Variants in VSX2 observed in about 807,000 individuals in gnomAD.
VSX2 encodes ceh-10 homeo domain containing homolog.
VSX2 carries 28 observed loss-of-function variants against 32.1 expected under a neutral mutation model. That is an observed-to-expected ratio of 0.87 (90% CI 0.65 to 1.20). The LOEUF is 1.20. Among genes scored for constraint, VSX2 ranks in the 50% most tolerant of loss-of-function variants. The pLI is 0.00. For missense variants in VSX2, 506 were observed against 488.7 expected (o/e 1.04, Z -0.33); for synonymous variants, 243 against 214.1 (o/e 1.14, Z -1.18).
At chr14:74,251,024 A>C (rs1433317591) in intron 3 of VSX2, among the ~76,000 whole-genome samples, 1 of 151,996 alleles carries the variant, frequency 6.6e-6, no homozygotes, top group Admixed American at 6.6e-5. Context: ...TTTAAAATCA[A>C]ACATCTTCGG....
intron 3 of VSX2, among the ~76,000 whole-genome samples, chr14:74,248,455 G>C (rs1461428564): frequency 1.3e-5 from 2 of 152,000 alleles, no homozygotes; most frequent in African/African-American, 2.4e-5. Context: ...GGGAGGCTGA[G>C]GTGGAAGAAT....
chr14:74,259,462 A>G (rs897926351), intron 3 of VSX2, 140 bp from the exon 4 acceptor site: 41 of 893,674 alleles, frequency 4.6e-5, no homozygotes, highest in Non-Finnish European at 6.9e-5. Flanking sequence ...CTGGAGGAAC[A>G]CAGAGGGCAC....
chr14:74,252,454 G>T (rs1249050575), intron 3 of VSX2, among the ~76,000 whole-genome samples: 1 of 150,456 alleles, frequency 6.6e-6, no homozygotes, highest in African/African-American at 2.5e-5. Flanking sequence ...GCAGGGGCAC[G>T]ATCTCGGCTC....
At chr14:74,243,891 G>T (rs1055837958) in intron 2 of VSX2, among the ~76,000 whole-genome samples, 2 of 151,970 alleles carry the variant, frequency 1.3e-5, no homozygotes, top group African/African-American at 4.8e-5. Context: ...AGCAATAAGG[G>T]ATTCTACACC....
At chr14:74,254,689 G>T (rs544064032) in intron 3 of VSX2, among the ~76,000 whole-genome samples, 1 of 151,894 alleles carries the variant, frequency 6.6e-6, no homozygotes, top group African/African-American at 2.4e-5. Flanking sequence ...TGTCTCTACC[G>T]AAAACTAACA....
At chr14:74,248,345 A>AAAAC (rs1555388000) in intron 3 of VSX2, among the ~76,000 whole-genome samples, 3 of 139,388 alleles carry the variant, frequency 2.2e-5, no homozygotes. Flanking sequence ...AAAAAAAAAA[A>AAAAC]AAAAAACAAA....
At chr14:74,259,156 G>A (rs1170219401) in intron 3 of VSX2, among the ~76,000 whole-genome samples, 1 of 152,216 alleles carries the variant, frequency 6.6e-6, no homozygotes, top group Non-Finnish European at 1.5e-5. Context: ...CTGGATGGTT[G>A]TGACTCTGGG....
intron 3 of VSX2, among the ~76,000 whole-genome samples, chr14:74,254,920 C>T (rs2079253666): frequency 6.6e-6 from 1 of 151,804 alleles, no homozygotes; most frequent in African/African-American, 2.4e-5. Flanking sequence ...GCTGGGACTA[C>T]AGGCGCCCCC....
chr14:74,262,329 G>C lies in VSX2; in HGVS notation c.*1410G>C, dbSNP rs2079313845. 6.6e-6 allele frequency: 1 copy of C among 152,220 alleles called. No homozygotes were observed. Among genetic ancestry groups the C allele is most frequent in the Non-Finnish European group, 1.5e-5 (1 of 68,078 alleles). 9.4% of individuals were successfully genotyped at this position (152,220 alleles called of 1,614,324 possible). Reference sequence around the variant, plus strand: ...CCTTTTCCATTCGCATGAACAATGGGAGCACATAGCCCTGTTGACCTGCCC... The same window carrying C: ...CCTTTTCCATTCGCATGAACAATGGCAGCACATAGCCCTGTTGACCTGCCC... On this transcript the variant is annotated 3_prime_UTR_variant, in exon 5 of 5. Coordinates refer to ENST00000261980, the MANE Select transcript of VSX2 (RefSeq NM_182894.3).
At chr14:74,248,550 G>A (rs1302891202) in intron 3 of VSX2, among the ~76,000 whole-genome samples, 1 of 151,874 alleles carries the variant, frequency 6.6e-6, no homozygotes, top group African/African-American at 2.4e-5. Flanking sequence ...AATTAGCCGA[G>A]CATGGTGATG....
intron 3 of VSX2, among the ~76,000 whole-genome samples, chr14:74,255,325 G>A (rs564118067): frequency 6.6e-6 from 1 of 152,178 alleles, no homozygotes; most frequent in Non-Finnish European, 1.5e-5. Flanking sequence ...TCCCTCCAAG[G>A]CACCATTGCC....
At chr14:74,251,301 T>A (rs1271109247) in intron 3 of VSX2, among the ~76,000 whole-genome samples, 1 of 152,028 alleles carries the variant, frequency 6.6e-6, no homozygotes, top group Admixed American at 6.6e-5. Context: ...AATACAAAAA[T>A]TAGCCGGGCA....
At position 74,259,663 on chromosome 14, in the gene VSX2, G is replaced by C. The variant is rs1239326808; in HGVS notation, c.641G>C (p.Ser214Thr). 2 of 1,614,100 alleles carry C rather than the reference G, an allele frequency of 1.2e-6. No homozygotes were observed. Among genetic ancestry groups the C allele is most frequent in the African/African-American group, 1.3e-5 (1 of 74,938 alleles). ...RKREKCWGRSSVMAEYGLYGA... is the reference protein window; with the variant it reads ...RKREKCWGRSTVMAEYGLYGA... ...CGGGAGAAGTGCTGGGGCCGGAGCA[G>C]TGTCATGGCGGAGTATGGGCTCTAC... is the stretch of plus-strand genomic sequence containing the variant. Residue 214 changes from serine to threonine, a missense_variant, in exon 4 of 5, where the codon AGT becomes ACT. Physicochemically the swap from Ser to Thr is moderately conservative, Grantham distance 58. Coordinates refer to ENST00000261980, the MANE Select transcript of VSX2 (RefSeq NM_182894.3).
intron 2 of VSX2, 99 bp downstream of exon 2, chr14:74,241,365 G>A (rs969352468): frequency 3.0e-6 from 4 of 1,326,192 alleles, no homozygotes; most frequent in Non-Finnish European, 4.3e-6. Context: ...CGCCGACAAC[G>A]GATCTGAGGT....
At chr14:74,246,294 A>G (rs1303985215) in intron 3 of VSX2, among the ~76,000 whole-genome samples, 2 of 152,134 alleles carry the variant, frequency 1.3e-5, no homozygotes, top group East Asian at 1.9e-4. Flanking sequence ...TCTCCTCCCC[A>G]GTCTAGGTTC....
chr14:74,248,504 T>A (rs1282933669), intron 3 of VSX2, among the ~76,000 whole-genome samples: 1 of 151,430 alleles, frequency 6.6e-6, no homozygotes, highest in Admixed American at 6.6e-5. Context: ...CTGGACAACA[T>A]AGTGAAATCC....
chr14:74,241,328 G>A (rs1277372207), intron 2 of VSX2, 62 bp downstream of exon 2: 35 of 1,558,994 alleles, frequency 2.2e-5, no homozygotes, highest in South Asian at 4.4e-5. Flanking sequence ...CCCCCGTTCC[G>A]GGATCGGGTC....
chr14:74,241,272 G>GC lies in VSX2; in HGVS notation c.455+11dup, dbSNP rs1411038752. ...CGGAAGAAGCGGCGACACAGGTGAG[G>GC]CCCCCGCTTTCTGTTACCTCTCCTG... On this transcript the variant is annotated splice_region_variant and intron_variant, in intron 2 of 4. Coordinates refer to ENST00000261980, the MANE Select transcript of VSX2 (RefSeq NM_182894.3). 1 of 1,612,338 alleles carries GC rather than the reference G, an allele frequency of 6.2e-7. No homozygotes were observed. The highest frequency in any genetic ancestry group is 2.2e-5 in the East Asian group (1 of 44,870).
intron 2 of VSX2, among the ~76,000 whole-genome samples, chr14:74,243,349 T>C (rs1400090033): frequency 6.6e-6 from 1 of 152,020 alleles, no homozygotes; most frequent in African/African-American, 2.4e-5. Flanking sequence ...GGGTCTGGGG[T>C]TCTGCATAAA....
Sources: gnomAD v4.1 joint callset for allele counts (sites outside exome capture counted in the v4.1 genomes callset) on GRCh38, gnomAD v4.1.1 for gene constraint, MANE v1.5 for transcripts, NCBI Gene and HGNC (gene_info 2026-07-23, HGNC 2026-07-21) for gene names.